ATP6V1D: variants seen among roughly 807,000 people sequenced by gnomAD.
The protein encoded by ATP6V1D is V-type proton ATPase subunit D.
In ATP6V1D, 20 loss-of-function variants were observed where a neutral mutation model predicts 39.4. That is an observed-to-expected ratio of 0.51 (90% confidence interval 0.36 to 0.74). The LOEUF is 0.74. Ranked by LOEUF, ATP6V1D falls within the 30% of genes least tolerant of loss-of-function variation. The pLI is 0.00. For synonymous variants in ATP6V1D, 100 were observed against 100.5 expected (o/e 0.99, Z 0.03); for missense variants, 228 against 291.6 (o/e 0.78, Z 1.59).
chr14:67,339,292 C>T (rs1008696177), intron 8 of ATP6V1D, among the ~76,000 whole-genome samples: 2 of 152,214 alleles, frequency 1.3e-5, no homozygotes. Context: ...CCACCGAGCC[C>T]AGCCTAGAAG....
Position 67,349,079 on chromosome 14 carries a change from T to C in ATP6V1D, c.265A>G (p.Lys89Glu). ...FSTTVIQNVNKAQVKIRAKKD... is the reference protein window; with the variant it reads ...FSTTVIQNVNEAQVKIRAKKD... Reference sequence around the variant, plus strand: ...TTCGCTCGAATCTTCACTTGCGCTTTATTGACATTTTGGATAACTGTAGTG... The same window carrying C: ...TTCGCTCGAATCTTCACTTGCGCTTCATTGACATTTTGGATAACTGTAGTG... Residue 89 changes from lysine to glutamate, a missense_variant, in exon 4 of 9, where the codon AAA (lysine) becomes GAA (glutamate). Physicochemically the swap from Lys to Glu is moderately conservative, Grantham distance 56. Transcript: ENST00000216442. 6.2e-7 allele frequency: 1 copy of C among 1,614,138 alleles called. No homozygotes were observed. Among genetic ancestry groups the C allele is most frequent in the East Asian group, 2.2e-5 (1 of 44,858 alleles).
chr14:67,350,353 A>C (rs2085647716), intron 3 of ATP6V1D, among the ~76,000 whole-genome samples: 1 of 152,232 alleles, frequency 6.6e-6, no homozygotes, highest in Admixed American at 6.5e-5. Context: ...GTTGAAAATA[A>C]GGAAAAATGT....
intron 2 of ATP6V1D, among the ~76,000 whole-genome samples, chr14:67,351,139 C>T (rs904702681): frequency 5.9e-5 from 9 of 152,020 alleles, no homozygotes; most frequent in African/African-American, 2.2e-4. Context: ...GTTGCCTTCC[C>T]AAGTATTAAA....
chr14:67,358,635 G>C (rs2085702950), intron 1 of ATP6V1D, among the ~76,000 whole-genome samples: 1 of 152,202 alleles, frequency 6.6e-6, no homozygotes, highest in Non-Finnish European at 1.5e-5. Context: ...AGGGGTTTGA[G>C]GCTGCTGTGA....
intron 1 of ATP6V1D, among the ~76,000 whole-genome samples, chr14:67,359,284 T>G (rs1023562540): frequency 3.9e-5 from 6 of 152,224 alleles, no homozygotes; most frequent in African/African-American, 1.4e-4. Context: ...CAGACGAATG[T>G]CTGGCTACGT....
At chr14:67,341,691 C>G (rs1204671485) in intron 7 of ATP6V1D, among the ~76,000 whole-genome samples, 2 of 152,228 alleles carry the variant, frequency 1.3e-5, no homozygotes, top group Non-Finnish European at 2.9e-5. Context: ...GTGTACCCAA[C>G]AGCTCACTGA....
chr14:67,338,883 T>A, intron 8 of ATP6V1D, 121 bp from the exon 9 acceptor site: 1 of 760,782 alleles, frequency 1.3e-6, no homozygotes, highest in Non-Finnish European at 2.0e-6. Flanking sequence ...CTGGTACTTT[T>A]ATTAATTTCA....
At chr14:67,352,829 A>C in intron 2 of ATP6V1D, 94 bp downstream of exon 2, 2 of 763,930 alleles carry the variant, frequency 2.6e-6, no homozygotes, top group South Asian at 3.9e-5. Context: ...GAAAGAAAAA[A>C]ATTAATTAAA....
intron 1 of ATP6V1D, among the ~76,000 whole-genome samples, chr14:67,357,980 C>T (rs1255050551): frequency 6.6e-6 from 1 of 152,064 alleles, no homozygotes; most frequent in African/African-American, 2.4e-5. Context: ...AATTGTAAGC[C>T]TGTTTCGTAA....
chr14:67,347,434 A>G lies in ATP6V1D; in HGVS notation c.327T>C (p.Phe109=). The part of the protein sequence containing the change: ...DNVAGVTLPV[F]EHYHEGTDSY... Reference sequence around the variant, plus strand: ...TGTCAGTTCCTTCATGGTAATGTTCAAATACTGGCAAAGTAACACCTGTTA... The same window carrying G: ...TGTCAGTTCCTTCATGGTAATGTTCGAATACTGGCAAAGTAACACCTGTTA... The change falls in exon 5 of 9, where the codon TTT becomes TTC. Residue 109 remains phenylalanine, a synonymous_variant. Coordinates refer to ENST00000216442, the MANE Select transcript of ATP6V1D (RefSeq NM_015994.4). The G allele has an allele frequency of 6.2e-7, 1 of 1,608,816 alleles. No homozygotes were observed.
chr14:67,343,021 T>G (rs760151036), intron 7 of ATP6V1D, among the ~76,000 whole-genome samples: 2 of 152,178 alleles, frequency 1.3e-5, no homozygotes, highest in Non-Finnish European at 2.9e-5. Flanking sequence ...ACTCAAAAAG[T>G]TGCATCACTC....
chr14:67,337,925 A>T lies in ATP6V1D; in HGVS notation c.*696T>A, dbSNP rs150178468. 2.4e-4 allele frequency: 37 copies of T among 152,224 alleles called. No individual in the cohort carries two copies. Among genetic ancestry groups the T allele is most frequent in the African/African-American group, 8.9e-4 (37 of 41,452 alleles). The allele number at this position is 152,224 out of a possible 1,614,324, so 9.4% of individuals were successfully genotyped here. A position where few individuals can be genotyped will look rare whatever the true frequency, so the allele number is the denominator to read the frequency against. On this transcript the variant is annotated 3_prime_UTR_variant, in exon 9 of 9. Coordinates refer to ENST00000216442, the MANE Select transcript of ATP6V1D (RefSeq NM_015994.4). ...CCCAAAATGCAACAGTTGTCTCAAA[A>T]GTAAGCCTTTTTGTAAAACTCTAAT...
At position 67,345,759 on chromosome 14, in the gene ATP6V1D, G is replaced by T. The variant is rs2085615689; in HGVS notation, c.456+9C>A. 7 of 1,596,338 alleles carry T rather than the reference G, an allele frequency of 4.4e-6. No homozygotes were observed. Among genetic ancestry groups the T allele is most frequent in the Non-Finnish European group, 6.0e-6 (7 of 1,164,128 alleles). On this transcript the variant is annotated intron_variant, in intron 6 of 8. Transcript: ENST00000216442. ...ACTACAGGAGTTCTCCAGGTCTTTT[G>T]CTACTTACCTGCAGAGAAGCTAGTT... is the stretch of plus-strand genomic sequence containing the variant.
rs1008268937 is a variant in ATP6V1D at position 67,352,705 on chromosome 14, G to T, written c.159+218C>A. On this transcript the variant is annotated intron_variant, in intron 2 of 8. Transcript: ENST00000216442. ...TAAATAAGGTAAGAGAGGCAGGCGG[G>T]GGGCCAATCAGATCAAGTGGAGCTT... 4 of 436,512 alleles carry T rather than the reference G, an allele frequency of 9.2e-6. No homozygotes were observed. In the Admixed American group the frequency reaches 1.6e-4, roughly 17 times the overall value. 27.0% of individuals were successfully genotyped at this position (436,512 alleles called of 1,614,324 possible).
intron 2 of ATP6V1D, among the ~76,000 whole-genome samples, chr14:67,351,236 C>A (rs1257172040): frequency 6.6e-6 from 1 of 152,022 alleles, no homozygotes. Context: ...CAGAAACAAC[C>A]CCAGGTCTAT....
intron 5 of ATP6V1D, 61 bp downstream of exon 5, chr14:67,347,347 CA>C: frequency 7.4e-7 from 1 of 1,354,926 alleles, no homozygotes; most frequent in Non-Finnish European, 1.0e-6. Context: ...GAACTTAGTT[CA>C]TTTAAAGAGG....
chr14:67,342,607 C>T (rs2085593543), intron 7 of ATP6V1D, among the ~76,000 whole-genome samples: 1 of 146,880 alleles, frequency 6.8e-6, no homozygotes, highest in Non-Finnish European at 1.5e-5. Context: ...AGGCCTGGCA[C>T]TAGCAAGCAG....
At chr14:67,348,967 T>C in intron 4 of ATP6V1D, 70 bp downstream of exon 4, 2 of 1,431,976 alleles carry the variant, frequency 1.4e-6, no homozygotes, top group South Asian at 1.2e-5. Context: ...GATCTTGCTG[T>C]ATAAACAGGT....
intron 2 of ATP6V1D, 54 bp downstream of exon 2, chr14:67,352,869 G>T: frequency 8.4e-7 from 1 of 1,197,014 alleles, no homozygotes; most frequent in Non-Finnish European, 1.2e-6. Flanking sequence ...AAATGCCAAG[G>T]GCCATGCTGG....
Sources: allele counts gnomAD v4.1 joint callset (sites outside exome capture counted in the v4.1 genomes callset), GRCh38; gene constraint gnomAD v4.1.1; transcripts MANE v1.5; gene names NCBI Gene and HGNC (gene_info 2026-07-23, HGNC 2026-07-21).